Variants in USP22 observed in about 807,000 individuals in gnomAD.
The protein encoded by USP22 is ubiquitin carboxyl-terminal hydrolase 22.
USP22 carries 22 observed loss-of-function variants against 68.1 expected under a neutral mutation model. The ratio of observed to expected loss-of-function variants is 0.32; its 90% CI spans 0.23 to 0.46. The LOEUF (loss-of-function observed/expected upper bound fraction) is 0.46. USP22 is among the 20% of genes least tolerant of loss of function. USP22 has a pLI of 1.00. For missense variants in USP22, 433 were observed against 695.8 expected, an observed-to-expected ratio of 0.62 and a Z score of 4.25; for synonymous variants, 279 against 274.2, an observed-to-expected ratio of 1.02 and a Z score of -0.17.
chr17:21,023,912 A>AC (rs1972189155), intron 2 of USP22, among the ~76,000 whole-genome samples: 1 of 152,116 alleles, frequency 6.6e-6, no homozygotes, highest in Non-Finnish European at 1.5e-5. Flanking sequence ...ACTTAAGTGC[A>AC]TCCCCGGATA....
chr17:21,018,034 G>C lies in USP22; in HGVS notation c.598C>G (p.Leu200Val), dbSNP rs12602576. 5.0e-5 allele frequency: 81 copies of C among 1,614,026 alleles called. No homozygotes were observed. The highest frequency in any genetic ancestry group is 1.7e-5 in the Admixed American group (1 of 60,006). ...IVQALTHTPL[L>V]RDFFLSDRHR... Reference sequence around the variant, plus strand: ...CTGTCAGACAGGAAGAAGTCCCGCAGAAGTGGCGTGTGGGTCAGGGCCTGC... The same window carrying C: ...CTGTCAGACAGGAAGAAGTCCCGCACAAGTGGCGTGTGGGTCAGGGCCTGC... Residue 200 changes from leucine to valine, a missense_variant, in exon 5 of 13, where the codon CTG becomes GTG. This residue lies in a region of USP22 where 144 missense variants were observed against 237.2 expected (regional missense o/e 0.61). Transcript: ENST00000261497.
At chr17:21,040,386 A>C (rs1279497083) in intron 1 of USP22, among the ~76,000 whole-genome samples, 3 of 152,176 alleles carry the variant, frequency 2.0e-5, no homozygotes, top group Non-Finnish European at 4.4e-5. Flanking sequence ...AAGTCCCCCC[A>C]GTCAGAGGAA....
intron 12 of USP22, among the ~76,000 whole-genome samples, chr17:21,003,462 G>C (rs1307160310): frequency 2.6e-5 from 4 of 152,220 alleles, no homozygotes; most frequent in South Asian, 4.1e-4. Context: ...AACCTCTCAA[G>C]AGGGCTTGGC....
intron 1 of USP22, among the ~76,000 whole-genome samples, chr17:21,038,863 T>C (rs1274768885): frequency 2.0e-5 from 3 of 152,072 alleles, no homozygotes; most frequent in Non-Finnish European, 2.9e-5. Context: ...AGACAAACCC[T>C]GAAATGGTAA....
At chr17:21,021,968 C>T (rs1972161459) in intron 2 of USP22, among the ~76,000 whole-genome samples, 1 of 152,126 alleles carries the variant, frequency 6.6e-6, no homozygotes, top group Admixed American at 6.5e-5. Flanking sequence ...GGCATGGTGG[C>T]ACACGCCTGT....
At chr17:21,025,268 T>TGAACAAATATTCAACATCA (rs1383586915) in intron 2 of USP22, among the ~76,000 whole-genome samples, 1 of 152,088 alleles carries the variant, frequency 6.6e-6, no homozygotes, top group East Asian at 1.9e-4. Flanking sequence ...AACAAGCACA[T>TGAACAAATATTCAACATCA]GAACAAATAT....
chr17:21,018,951 C>A, intron 4 of USP22, 133 bp downstream of exon 4: 2 of 900,258 alleles, frequency 2.2e-6, no homozygotes, highest in South Asian at 3.1e-5. Flanking sequence ...GAGCTGGTTG[C>A]TGAGCACATT....
At chr17:21,041,627 C>T (rs1250647750) in intron 1 of USP22, among the ~76,000 whole-genome samples, 2 of 152,094 alleles carry the variant, frequency 1.3e-5, no homozygotes, top group Non-Finnish European at 2.9e-5. Context: ...TGAATTACTG[C>T]TTAACATACC....
intron 5 of USP22, among the ~76,000 whole-genome samples, chr17:21,016,315 G>A (rs1914131958): frequency 6.6e-6 from 1 of 152,186 alleles, no homozygotes; most frequent in African/African-American, 2.4e-5. Flanking sequence ...TCAGCCACAG[G>A]ATTCTCTGCC....
At chr17:21,040,331 G>A (rs1445815281) in intron 1 of USP22, among the ~76,000 whole-genome samples, 1 of 152,214 alleles carries the variant, frequency 6.6e-6, no homozygotes, top group Non-Finnish European at 1.5e-5. Flanking sequence ...CCACTAGAGA[G>A]TGCTAGAAAT....
chr17:21,004,787 CCAATA>C lies in USP22; in HGVS notation c.1385+136_1385+140del. ...CCTTTCCTAGTGGAGCTGCGGGCAG[CCAATA>C]GTGGAGCTGCGGGCAGCCAAGCGGG... On this transcript the variant is annotated intron_variant, in intron 11 of 12. Transcript: ENST00000261497. 10 of 86,526 alleles carry C rather than the reference CCAATA, an allele frequency of 1.2e-4. 3 individuals carry two copies. Among genetic ancestry groups the C allele is most frequent in the Non-Finnish European group, 2.6e-4 (8 of 30,388 alleles). The allele number at this position is 86,526 out of a possible 1,614,324, so 5.4% of individuals were successfully genotyped here. A position where few individuals can be genotyped will look rare whatever the true frequency, so the allele number is the denominator to read the frequency against.
At chr17:21,018,979 C>G in intron 4 of USP22, 105 bp downstream of exon 4, 1 of 1,173,294 alleles carries the variant, frequency 8.5e-7, no homozygotes, top group South Asian at 1.3e-5. Context: ...GACAGTTATG[C>G]AGGGCTTCAA....
chr17:21,013,065 T>C (rs2143549948), intron 6 of USP22, 130 bp from the exon 7 acceptor site: 1 of 689,938 alleles, frequency 1.4e-6, no homozygotes, highest in East Asian at 2.6e-5. Context: ...GTGAGGACAC[T>C]CCTCATTTTA....
intron 8 of USP22, among the ~76,000 whole-genome samples, chr17:21,008,375 A>G (rs1341322454): frequency 6.6e-6 from 1 of 152,186 alleles, no homozygotes; most frequent in Non-Finnish European, 1.5e-5. Flanking sequence ...GTTTCTTCCC[A>G]TGGCTGAATA....
intron 1 of USP22, among the ~76,000 whole-genome samples, chr17:21,041,209 A>G (rs1469682489): frequency 2.0e-5 from 3 of 152,096 alleles, no homozygotes; most frequent in Non-Finnish European, 4.4e-5. Flanking sequence ...AAGACACACA[A>G]TTCTACTAGC....
chr17:21,011,373 G>A (rs1012593260), intron 7 of USP22, 64 bp from the exon 8 acceptor site: 105 of 1,540,934 alleles, frequency 6.8e-5, no homozygotes, highest in Non-Finnish European at 8.9e-5. Context: ...GAGGCAACCC[G>A]GGGTGGAAGC....
At chr17:21,008,641 G>C (rs577123332) in intron 8 of USP22, among the ~76,000 whole-genome samples, 1 of 152,160 alleles carries the variant, frequency 6.6e-6, no homozygotes, top group Non-Finnish European at 1.5e-5. Flanking sequence ...GGAGATGCTG[G>C]GTACTTTCCG....
intron 1 of USP22, among the ~76,000 whole-genome samples, chr17:21,036,935 C>A (rs1972365642): frequency 6.6e-6 from 1 of 152,152 alleles, no homozygotes; most frequent in Admixed American, 6.5e-5. Context: ...ACTAGGGATC[C>A]TTGGAAAATG....
rs1913574033 is a variant in USP22, at chr17:21,001,452, A to G, written c.*1579T>C. On this transcript the variant is annotated 3_prime_UTR_variant, in exon 13 of 13. Coordinates refer to ENST00000261497, the MANE Select transcript of USP22 (RefSeq NM_015276.2). ...AAGAATAGGTTTCACGTTTTTAAAT[A>G]GTTAAAAAAAAAATCTAAGTTTCTT... 1 of 152,208 alleles carries G rather than the reference A, an allele frequency of 6.6e-6. No individual in the cohort carries two copies. Among genetic ancestry groups the G allele is most frequent in the Non-Finnish European group, 1.5e-5 (1 of 68,044 alleles). 9.4% of individuals were successfully genotyped at this position (152,208 alleles called of 1,614,324 possible). A position where few individuals can be genotyped will look rare whatever the true frequency, so the allele number is the denominator to read the frequency against.
Sources: gnomAD v4.1 joint callset for allele counts (sites outside exome capture counted in the v4.1 genomes callset) on GRCh38, gnomAD v4.1.1 for gene constraint, gnomAD v4.1.1 regional missense constraint, MANE v1.5 for transcripts, NCBI Gene and HGNC (gene_info 2026-07-23, HGNC 2026-07-21) for gene names.